NLRX1: variants seen among roughly 807,000 people sequenced by gnomAD.
NLRX1 encodes NLR family member X1, also known as NOD-like receptor X1.
NLRX1 carries 67 observed loss-of-function variants against 74.2 expected under a neutral mutation model. The ratio of observed to expected loss-of-function variants is 0.90; its 90% confidence interval spans 0.74 to 1.11. The LOEUF (loss-of-function observed/expected upper bound fraction) is 1.11. Ranked by LOEUF, NLRX1 falls within the 50% of genes least tolerant of loss-of-function variation. The pLI is 0.00. For missense variants in NLRX1, 1,191 were observed against 1,305.4 expected, an observed-to-expected ratio of 0.91 and a Z score of 1.35; for synonymous variants, 506 against 559.1, an observed-to-expected ratio of 0.91 and a Z score of 1.34.
At position 119,179,822 on chromosome 11, in the gene NLRX1, A is replaced by G. The variant is rs1252151705; in HGVS notation, c.1801A>G (p.Ile601Val). 1 of 1,614,066 alleles carries G rather than the reference A, an allele frequency of 6.2e-7. No individual in the cohort carries two copies. The highest frequency in any genetic ancestry group is 1.3e-5 in the African/African-American group (1 of 74,954). ...DDVLDQMGASILGVEGPRRHP... is the reference protein window; with the variant it reads ...DDVLDQMGASVLGVEGPRRHP... ...TGTTCTGGACCAGATGGGCGCCAGT[A>G]TCCTGGGCGTGGAGGGCCCCCGGCG... is the stretch of plus-strand genomic sequence containing the variant. Residue 601 changes from isoleucine to valine, a missense_variant, in exon 7 of 10, where the codon ATC becomes GTC. Transcript: ENST00000409109.
At chr11:119,169,870 A>G (rs1948498199) in intron 1 of NLRX1, among the ~76,000 whole-genome samples, 1 of 151,992 alleles carries the variant, frequency 6.6e-6, no homozygotes, top group Non-Finnish European at 1.5e-5. Flanking sequence ...GTGGCACACC[A>G]CTTTAGTCCT....
Position 119,173,569 on chromosome 11 carries a change from A to G in NLRX1, c.320A>G (p.Asp107Gly). 1.2e-6 allele frequency: 2 copies of G among 1,614,128 alleles called. No homozygotes were observed. Among genetic ancestry groups the G allele is most frequent in the Non-Finnish European group, 1.7e-6 (2 of 1,180,036 alleles). ...CAGTTTGGCCCAACCTTTGCCCTAG[A>G]CACGGTCCACGTTGACCCTGTGATC... ...ERQFGPTFAL[D>G]TVHVDPVIRE... Residue 107 changes from aspartate (D) to glycine (G), a missense_variant, in exon 5 of 10, where the codon GAC (aspartate) becomes GGC (glycine). Asp to Gly is a moderately conservative substitution (Grantham distance 94). Transcript: ENST00000409109. The surrounding 1 kb of genome is among the most constrained non-coding windows in gnomAD (Gnocchi z 4.0).
intron 1 of NLRX1, among the ~76,000 whole-genome samples, chr11:119,170,959 C>T (rs1054050138): frequency 6.6e-6 from 1 of 152,168 alleles, no homozygotes; most frequent in Non-Finnish European, 1.5e-5. Context: ...GCTTAACCAA[C>T]ATGGTAAACC....
intron 8 of NLRX1, 21 bp from the exon 9 acceptor site, chr11:119,182,073 T>G: frequency 6.2e-7 from 1 of 1,611,866 alleles, no homozygotes; most frequent in Non-Finnish European, 8.5e-7. Flanking sequence ...CCTCATAACC[T>G]TGGGTTGCAC....
rs766295803 is a variant in NLRX1 at position 119,173,146 on chromosome 11, T to C, written c.229+157T>C. On this transcript the variant is annotated intron_variant, in intron 4 of 9. Coordinates refer to ENST00000409109, the MANE Select transcript of NLRX1 (RefSeq NM_001282144.2). The surrounding 1 kb of genome is among the most constrained non-coding windows in gnomAD (Gnocchi z 4.0). ...TCCCTCCCATCCGTCTATGTATCCC[T>C]TCCTGCAATACTCTTGCAATGCACA... The C allele has an allele frequency of 3.1e-6, 2 of 650,522 alleles. No homozygotes were observed. Among genetic ancestry groups the C allele is most frequent in the Non-Finnish European group, 2.7e-6 (1 of 364,500 alleles). 40.3% of individuals were successfully genotyped at this position (650,522 alleles called of 1,614,324 possible).
chr11:119,183,945 G>A lies in NLRX1; in HGVS notation c.*506G>A. On this transcript the variant is annotated 3_prime_UTR_variant, in exon 10 of 10. Transcript: ENST00000409109. The surrounding 1 kb of genome is among the most constrained non-coding windows in gnomAD (Gnocchi z 5.7). ...CATGCCCCCTTTGCCACAATGGTAT[G>A]ATGGCTTGGTAGCCCCTCGAGGCAG... 1 of 778,488 alleles carries A rather than the reference G, an allele frequency of 1.3e-6. No individual in the cohort carries two copies. The highest frequency in any genetic ancestry group is 2.4e-6 in the Non-Finnish European group (1 of 416,368). The allele number at this position is 778,488 out of a possible 1,614,324, so 48.2% of individuals were successfully genotyped here.
intron 1 of NLRX1, among the ~76,000 whole-genome samples, chr11:119,171,125 T>C (rs76582601): frequency 1.3e-5 from 2 of 151,922 alleles, no homozygotes; most frequent in South Asian, 4.2e-4. Context: ...GGGCACTCCA[T>C]CTCAAAAAAG....
At position 119,173,750 on chromosome 11, in the gene NLRX1, A is replaced by G; in HGVS notation, c.501A>G (p.Thr167=). ...TGCAGACAGTGGTGCTGTATGGGAC[A>G]GTGGGCACAGGCAAGAGCACGCTGG... The part of the protein sequence containing the change: ...RRVQTVVLYG[T]VGTGKSTLVR... The change falls in exon 5 of 10, where the codon ACA becomes ACG. Residue 167 remains threonine (T), a synonymous_variant. Coordinates refer to ENST00000409109, the MANE Select transcript of NLRX1 (RefSeq NM_001282144.2). This position sits in a 1 kb window ranked among gnomAD's most constrained non-coding sequence, Gnocchi z 4.0. 1 of 1,613,834 alleles carries G rather than the reference A, an allele frequency of 6.2e-7. No individual in the cohort carries two copies.
At position 119,168,794 on chromosome 11, in the gene NLRX1, G is replaced by A. The variant is rs918612031; in HGVS notation, c.-557G>A. 1.3e-5 allele frequency: 2 copies of A among 152,400 alleles called. No homozygotes were observed. The highest frequency in any genetic ancestry group is 2.9e-5 in the Non-Finnish European group (2 of 68,194). 9.4% of individuals were successfully genotyped at this position (152,400 alleles called of 1,614,324 possible). On this transcript the variant is annotated 5_prime_UTR_variant, in exon 1 of 10. Transcript: ENST00000409109. The stretch of plus-strand genomic sequence containing the variant: ...CGGGTGGCGCCGGGGTTCCAGCCCT[G>A]CGCCTGCTCCGGAGCACCGGGCCCC...
chr11:119,168,510 G>A (rs1237935081), upstream of NLRX1: 1 of 152,288 alleles, frequency 6.6e-6, no homozygotes, highest in Non-Finnish European at 1.5e-5. Context: ...CCTCAGGGAG[G>A]CCCAGGGGTA....
At chr11:119,174,201 C>T (rs1948633606) in intron 5 of NLRX1, 103 bp downstream of exon 5, 1 of 1,428,558 alleles carries the variant, frequency 7.0e-7, no homozygotes, top group Non-Finnish European at 9.4e-7. Context: ...AGTGGTGCGA[C>T]CCTGAGCAAG....
At position 119,174,117 on chromosome 11, in the gene NLRX1, C is replaced by A; in HGVS notation, c.849+19C>A. 1.2e-6 allele frequency: 2 copies of A among 1,609,898 alleles called. No individual in the cohort carries two copies. The highest frequency in any genetic ancestry group is 2.2e-5 in the South Asian group (2 of 90,738). ...GCCTCAGGTGGGTGGCCCTTTACCC[C>A]AGGTTATCACTGCTGCCCGTTGACT... On this transcript the variant is annotated intron_variant, in intron 5 of 9. Coordinates refer to ENST00000409109, the MANE Select transcript of NLRX1 (RefSeq NM_001282144.2).
intron 6 of NLRX1, among the ~76,000 whole-genome samples, chr11:119,176,456 C>T (rs113712489): frequency 0.031 from 4,672 of 152,164 alleles, 110 homozygotes; most frequent in South Asian, 0.07. Context: ...CAGTGGCTCA[C>T]GCCTGTAATC....
rs1420590755 is a variant in NLRX1, at chr11:119,173,066, G to A, written c.229+77G>A. The A allele has an allele frequency of 1.7e-6, 2 of 1,145,438 alleles. No homozygotes were observed. The highest frequency in any genetic ancestry group is 2.6e-6 in the Non-Finnish European group (2 of 761,146). The allele number at this position is 1,145,438 out of a possible 1,614,324, so 71.0% of individuals were successfully genotyped here. A position where few individuals can be genotyped will look rare whatever the true frequency, so the allele number is the denominator to read the frequency against. On this transcript the variant is annotated intron_variant, in intron 4 of 9. Coordinates refer to ENST00000409109, the MANE Select transcript of NLRX1 (RefSeq NM_001282144.2). This position sits in a 1 kb window ranked among gnomAD's most constrained non-coding sequence, Gnocchi z 4.0. ...CTGGAAGGAGAAGCAGGGTGAGGGA[G>A]GCATAGAGGATCCACTGCCATCTTC... is the stretch of plus-strand genomic sequence containing the variant.
In NLRX1 at chr11:119,177,057, A is replaced by G. The variant is rs549280018; in HGVS notation, c.1671+1783A>G. On this transcript the variant is annotated intron_variant, in intron 6 of 9. Transcript: ENST00000409109. ...TGAACTCATCCTCAGGGTCTAGGAC[A>G]TGGTAAGTGCTATTTAATTGTTTTT... Among the ~76,000 whole-genome samples the G allele has an allele frequency of 1.5e-4, 23 of 152,166 alleles. No individual in the cohort carries two copies. The South Asian group carries it at 4.6e-3, about 30-fold the overall frequency.
chr11:119,174,889 T>G lies in NLRX1; in HGVS notation c.1286T>G (p.Met429Arg). ...CTGATGGCCTATGCAGCCCGAACCATGGGCAAGTTGGCCTATGAGGGGGTG... is the reference window on the plus strand; with the variant it reads ...CTGATGGCCTATGCAGCCCGAACCAGGGGCAAGTTGGCCTATGAGGGGGTG... ...LSLMAYAART[M>R]GKLAYEGVSS... is the part of the protein sequence containing the mutation. Residue 429 changes from methionine to arginine, a missense_variant, in exon 6 of 10, where the codon ATG becomes AGG. Transcript: ENST00000409109. 1.9e-6 allele frequency: 3 copies of G among 1,614,068 alleles called. No homozygotes were observed. The South Asian group carries it at 3.3e-5, about 18-fold the overall frequency.
Position 119,179,856 on chromosome 11 carries a change from A to G in NLRX1, c.1835A>G (p.Asp612Gly), listed in dbSNP as rs1184235769. 1 of 1,614,096 alleles carries G rather than the reference A, an allele frequency of 6.2e-7. No homozygotes were observed. The highest frequency in any genetic ancestry group is 8.5e-7 in the Non-Finnish European group (1 of 1,179,986). The change falls in exon 7 of 10, where the codon GAT becomes GGT. Residue 612 changes from aspartate to glycine, a missense_variant. Asp to Gly is a moderately conservative substitution (Grantham distance 94). Coordinates refer to ENST00000409109, the MANE Select transcript of NLRX1 (RefSeq NM_001282144.2). ...GTGGAGGGCCCCCGGCGCCACCCAG[A>G]TGAGCCCCCTGAGGATGAAGTCTTC... ...LGVEGPRRHPDEPPEDEVFEL... is the reference protein window; with the variant it reads ...LGVEGPRRHPGEPPEDEVFEL...
At position 119,173,936 on chromosome 11, in the gene NLRX1, G is replaced by C. The variant is rs900177565; in HGVS notation, c.687G>C (p.Leu229=). ...RYTPLKEVLP[L]MAAAGSHLLF... is the part of the protein sequence containing the mutation. The stretch of plus-strand genomic sequence containing the variant: ...CGCCCCTGAAGGAGGTTCTGCCCCT[G>C]ATGGCTGCTGCTGGGTCCCACCTCC... Residue 229 remains leucine (L), a synonymous_variant, in exon 5 of 10, where the codon CTG becomes CTC. Coordinates refer to ENST00000409109, the MANE Select transcript of NLRX1 (RefSeq NM_001282144.2). The surrounding 1 kb of genome is among the most constrained non-coding windows in gnomAD (Gnocchi z 4.0). 5.1e-5 allele frequency: 83 copies of C among 1,613,822 alleles called. No homozygotes were observed. The highest frequency in any genetic ancestry group is 6.6e-5 in the Non-Finnish European group (78 of 1,180,042).
In NLRX1 at chr11:119,179,904, G is replaced by C. The variant is rs771002633; in HGVS notation, c.1883G>C (p.Gly628Ala). ...TTCGAGCTCTTCCCCATGTTCATGGGGGGGCTTCTCTCTGCCCACAACCGA... is the reference window on the plus strand; with the variant it reads ...TTCGAGCTCTTCCCCATGTTCATGGCGGGGCTTCTCTCTGCCCACAACCGA... The part of the protein sequence containing the change: ...EVFELFPMFM[G>A]GLLSAHNRAV... Residue 628 changes from glycine (G) to alanine (A), a missense_variant, in exon 7 of 10, where the codon GGG becomes GCG. Coordinates refer to ENST00000409109, the MANE Select transcript of NLRX1 (RefSeq NM_001282144.2). 10 of 1,611,822 alleles carry C rather than the reference G, an allele frequency of 6.2e-6. No individual in the cohort carries two copies. The highest frequency in any genetic ancestry group is 1.3e-5 in the African/African-American group (1 of 74,858).
Sources: allele counts gnomAD v4.1 joint callset (sites outside exome capture counted in the v4.1 genomes callset), GRCh38; gene constraint gnomAD v4.1.1; non-coding constraint Gnocchi (gnomAD v3.1); transcripts MANE v1.5; gene names NCBI Gene and HGNC (gene_info 2026-07-23, HGNC 2026-07-21).